MYO16: variants seen among roughly 807,000 people sequenced by gnomAD.
MYO16 encodes myosin XVI.
A neutral mutation model predicts 205.3 loss-of-function variants in MYO16; 94 were observed. The observed-to-expected ratio is 0.46, with a 90% CI of 0.39 to 0.54. MYO16 has a LOEUF of 0.54. MYO16 is among the 20% of genes least tolerant of loss of function. The pLI is 0.00. For missense variants in MYO16, 2,315 were observed against 2,387.5 expected, an observed-to-expected ratio of 0.97 and a Z score of 0.63; for synonymous variants, 988 against 954.0, an observed-to-expected ratio of 1.04 and a Z score of -0.66.
chr13:108,942,502 TA>T (rs1002147339), intron 16 of MYO16, among the ~76,000 whole-genome samples: 13 of 152,020 alleles, frequency 8.6e-5, no homozygotes, highest in African/African-American at 2.9e-4. Context: ...TTTCAGTGTT[TA>T]AAAAAAACTC....
rs577287588 is a variant in MYO16, at chr13:108,901,647, C to G, written c.1777+3514C>G. ...CCACCTTTCTCCACTTTCCGTATGG[C>G]CTTTCTACTCATTTTGTTCCCCTAA... On this transcript the variant is annotated intron_variant, in intron 15 of 34. Transcript: ENST00000457511. Among the ~76,000 whole-genome samples, 3 of 152,274 alleles carry G rather than the reference C, an allele frequency of 2.0e-5. No individual in the cohort carries two copies. In the East Asian group the frequency reaches 5.8e-4, roughly 29 times the overall value.
At chr13:109,171,863 T>C (rs914570704) in intron 33 of MYO16, among the ~76,000 whole-genome samples, 1 of 152,206 alleles carries the variant, frequency 6.6e-6, no homozygotes, top group African/African-American at 2.4e-5. Context: ...TGCGTTTGCA[T>C]TTACATTTAT....
chr13:108,898,965 C>T (rs1880575383), intron 15 of MYO16, among the ~76,000 whole-genome samples: 1 of 152,108 alleles, frequency 6.6e-6, no homozygotes, highest in Admixed American at 6.5e-5. Context: ...TAAATGATTT[C>T]TGAAAGAGTT....
intron 27 of MYO16, among the ~76,000 whole-genome samples, chr13:109,087,831 A>G (rs1055899008): frequency 2.6e-5 from 4 of 152,220 alleles, no homozygotes; most frequent in African/African-American, 9.6e-5. Context: ...TTGATTAAGG[A>G]GCAAATTGCT....
chr13:109,089,078 G>A (rs1888537068), intron 27 of MYO16, among the ~76,000 whole-genome samples: 1 of 151,808 alleles, frequency 6.6e-6, no homozygotes, highest in Non-Finnish European at 1.5e-5. Context: ...AATGAGAGAG[G>A]GTGGGGGAGA....
chr13:109,012,373 C>T (rs1885631155), intron 22 of MYO16, among the ~76,000 whole-genome samples: 1 of 152,148 alleles, frequency 6.6e-6, no homozygotes, highest in Non-Finnish European at 1.5e-5. Context: ...TGAGCTCCAG[C>T]TCCTGTCAAA....
At chr13:108,718,169 G>A (rs1884022433) in intron 3 of MYO16, among the ~76,000 whole-genome samples, 1 of 152,052 alleles carries the variant, frequency 6.6e-6, no homozygotes. Context: ...ATTTTGTAAA[G>A]AGGCAGAATA....
At chr13:109,065,316 A>G (rs927794470) in intron 27 of MYO16, among the ~76,000 whole-genome samples, 2 of 152,160 alleles carry the variant, frequency 1.3e-5, no homozygotes, top group African/African-American at 4.8e-5. Context: ...TATAGCCCCA[A>G]TTTGAGACAA....
chr13:108,893,064 C>T (rs551430356), intron 14 of MYO16, among the ~76,000 whole-genome samples: 2 of 152,052 alleles, frequency 1.3e-5, no homozygotes, highest in Non-Finnish European at 2.9e-5. Flanking sequence ...AAAATATTGC[C>T]CAGGTTTGAG....
chr13:108,763,533 G>A (rs762947690), intron 4 of MYO16, among the ~76,000 whole-genome samples: 7 of 152,276 alleles, frequency 4.6e-5, no homozygotes, highest in Admixed American at 6.5e-5. Context: ...AGAATTTGGC[G>A]TTGAAACCAA....
intron 23 of MYO16, among the ~76,000 whole-genome samples, chr13:109,024,756 G>A (rs1279185563): frequency 1.3e-5 from 2 of 152,058 alleles, no homozygotes; most frequent in South Asian, 2.1e-4. Flanking sequence ...GTACTGAGAT[G>A]TACTAATGAG....
chr13:109,135,440 T>C (rs1160532151), intron 31 of MYO16, among the ~76,000 whole-genome samples: 3 of 152,218 alleles, frequency 2.0e-5, no homozygotes, highest in African/African-American at 2.4e-5. Context: ...AGGTGACTTA[T>C]GTTTGGGGCT....
chr13:109,144,521 T>G (rs1374697564), intron 32 of MYO16, among the ~76,000 whole-genome samples: 1 of 152,260 alleles, frequency 6.6e-6, no homozygotes, highest in Non-Finnish European at 1.5e-5. Flanking sequence ...CTGAGGTTAG[T>G]AATCCATTTT....
chr13:108,616,941 C>G (rs1477596560), intron 1 of MYO16, among the ~76,000 whole-genome samples: 1 of 152,016 alleles, frequency 6.6e-6, no homozygotes, highest in Non-Finnish European at 1.5e-5. Context: ...TGGCTCCTTC[C>G]CCAGTATCCC....
At chr13:109,177,456 C>T (rs937409103) in intron 33 of MYO16, among the ~76,000 whole-genome samples, 1 of 152,138 alleles carries the variant, frequency 6.6e-6, no homozygotes, top group African/African-American at 2.4e-5. Context: ...ACCCTTTCAA[C>T]TGAGTTTCTG....
intron 1 of MYO16, among the ~76,000 whole-genome samples, chr13:108,602,413 T>G (rs1196556869): frequency 2.0e-5 from 3 of 152,200 alleles, no homozygotes; most frequent in Admixed American, 2.0e-4. Flanking sequence ...TTCTACGTAA[T>G]TGCGATCTTG....
chr13:108,922,249 G>A (rs372309849), intron 16 of MYO16, among the ~76,000 whole-genome samples: 4 of 151,490 alleles, frequency 2.6e-5, no homozygotes, highest in East Asian at 2.0e-4. Context: ...GAATGGACAA[G>A]GAGAGGAAAG....
chr13:108,636,887 C>A (rs556528920), intron 1 of MYO16, among the ~76,000 whole-genome samples: 88 of 152,094 alleles, frequency 5.8e-4, no homozygotes, highest in African/African-American at 2.0e-3. Flanking sequence ...TTACTTTTAC[C>A]CACACTATTT....
At position 109,140,925 on chromosome 13, in the gene MYO16, C is replaced by T. The variant is rs1392504250; in HGVS notation, c.4713C>T (p.Asp1571=). The T allele has an allele frequency of 6.4e-7, 1 of 1,567,004 alleles. No individual in the cohort carries two copies. The change falls in exon 32 of 35, where the codon GAC becomes GAT. Residue 1571 remains aspartate, a synonymous_variant. Coordinates refer to ENST00000457511, the MANE Select transcript of MYO16 (RefSeq NM_001198950.3). This position sits in a 1 kb window ranked among gnomAD's most constrained non-coding sequence, Gnocchi z 8.0. ...SPQYSKSQKG[D]GDRPASPGLA... ...AGTACTCCAAGAGCCAGAAGGGCGA[C>T]GGCGACAGGCCCGCGTCCCCCGGCC...
Sources: gnomAD v4.1 joint callset for allele counts (sites outside exome capture counted in the v4.1 genomes callset) on GRCh38, gnomAD v4.1.1 for gene constraint, Gnocchi (gnomAD v3.1) non-coding constraint, MANE v1.5 for transcripts, NCBI Gene and HGNC (gene_info 2026-07-23, HGNC 2026-07-21) for gene names.